ODF2: variants seen among roughly 807,000 people sequenced by gnomAD.
The protein encoded by ODF2 is outer dense fiber of sperm tails 2, also known as outer dense fiber protein 2.
Under a neutral mutation model 110.2 loss-of-function variants are expected in ODF2, and 47 were observed. The ratio of observed to expected loss-of-function variants is 0.43; its 90% CI spans 0.34 to 0.54. The LOEUF (loss-of-function observed/expected upper bound fraction) is 0.54. Ranked by LOEUF, ODF2 falls within the 20% of genes least tolerant of loss-of-function variation. ODF2 has a pLI of 0.03. For synonymous variants in ODF2, 352 were observed against 397.7 expected (o/e 0.89, Z 1.37); for missense variants, 812 against 1,054.5 (o/e 0.77, Z 3.19).
At chr9:128,493,487 A>T (rs1320133664) in intron 16 of ODF2, among the ~76,000 whole-genome samples, 1 of 152,230 alleles carries the variant, frequency 6.6e-6, no homozygotes, top group Non-Finnish European at 1.5e-5. Context: ...ATTTCATTCT[A>T]TATGGTGTCC....
chr9:128,477,586 G>C (rs112902544), intron 8 of ODF2, among the ~76,000 whole-genome samples: 4,269 of 151,730 alleles, frequency 0.028, 105 homozygotes, highest in African/African-American at 0.069. Context: ...ATGTAAAGTG[G>C]TATCCTCACT....
chr9:128,483,915 T>C (rs759495799), intron 10 of ODF2, 23 bp from the exon 11 acceptor site: 1 of 1,545,712 alleles, frequency 6.5e-7, no homozygotes, highest in Non-Finnish European at 8.9e-7. Context: ...TGTGCCTCCA[T>C]CACTTTTTCC....
intron 18 of ODF2, chr9:128,497,446 A>AAAAAAAAAAACATAT (rs1554857542): frequency 2.3e-5 from 1 of 42,598 alleles, no homozygotes; most frequent in African/African-American, 1.5e-4. Context: ...AAAAAAAAAA[A>AAAAAAAAAAACATAT]ATATATATAT....
chr9:128,471,663 G>A (rs1351131305), intron 6 of ODF2, among the ~76,000 whole-genome samples, 195 bp downstream of exon 6: 1 of 152,002 alleles, frequency 6.6e-6, no homozygotes, highest in Non-Finnish European at 1.5e-5. Flanking sequence ...ATGAGGGAAA[G>A]GGAGGACCCC....
intron 8 of ODF2, among the ~76,000 whole-genome samples, chr9:128,479,138 C>T (rs1485260480): frequency 6.6e-6 from 1 of 152,146 alleles, no homozygotes; most frequent in Non-Finnish European, 1.5e-5. Flanking sequence ...CCAGAGAAAC[C>T]ATAATACTGT....
At chr9:128,483,554 G>A in intron 10 of ODF2, among the ~76,000 whole-genome samples, 1 of 150,198 alleles carries the variant, frequency 6.7e-6, no homozygotes. Flanking sequence ...CTGCACTCCA[G>A]CCTTGGCAAC....
intron 13 of ODF2, among the ~76,000 whole-genome samples, chr9:128,486,305 G>A (rs551580922): frequency 6.6e-6 from 1 of 152,324 alleles, no homozygotes; most frequent in East Asian, 1.9e-4. Flanking sequence ...TATGCCAGCT[G>A]CTGTCCTTAG....
Position 128,494,040 on chromosome 9 carries a change from G to GC in ODF2, c.1753-466dup, listed in dbSNP as rs1331594849. On this transcript the variant is annotated intron_variant, in intron 16 of 20. Coordinates refer to ENST00000604420, the Ensembl canonical transcript of ODF2. The surrounding 1 kb of genome is among the most constrained non-coding windows in gnomAD (Gnocchi z 4.6). ...GAACTCCTGACCTCAAATAATCTGC[G>GC]CCCCTTGGCTTTCCAGAGTGCTAGA... 2.8e-5 allele frequency among the ~76,000 whole-genome samples: 2 copies of GC among 70,872 alleles called. No individual in the cohort carries two copies. The highest frequency in any genetic ancestry group is 5.9e-5 in the African/African-American group (1 of 16,840). 46.5% of individuals were successfully genotyped at this position (70,872 alleles called of 152,430 possible). A position where few individuals can be genotyped will look rare whatever the true frequency, so the allele number is the denominator to read the frequency against.
intron 8 of ODF2, among the ~76,000 whole-genome samples, chr9:128,479,745 G>A (rs1048176001): frequency 9.2e-5 from 14 of 152,150 alleles, no homozygotes; most frequent in African/African-American, 3.4e-4. Context: ...GTTAAAAATG[G>A]CAGTGGCATA....
chr9:128,456,046 T>C, upstream of ODF2: 1 of 1,484,896 alleles, frequency 6.7e-7, no homozygotes, highest in Non-Finnish European at 9.0e-7. Flanking sequence ...GGGCTGGGCC[T>C]CGATGGCGAA....
chr9:128,499,334 GGA>G (rs1846182611), intron 20 of ODF2, among the ~76,000 whole-genome samples: 3 of 152,008 alleles, frequency 2.0e-5, no homozygotes, highest in Non-Finnish European at 4.4e-5. Context: ...CACCCAGGCT[GGA>G]ATGCAGTGGT....
chr9:128,487,801 C>CAAAA (rs143231078), intron 13 of ODF2, 89 bp from the exon 14 acceptor site: 43 of 1,064,220 alleles, frequency 4.0e-5, no homozygotes, highest in Admixed American at 3.9e-4. Context: ...AACAAACAAA[C>CAAAA]AAAACACACA....
exon 14 of ODF2, chr9:128,488,011 A>C (rs1401502881): frequency 6.2e-7 from 1 of 1,613,822 alleles, no homozygotes; most frequent in East Asian, 2.2e-5. Flanking sequence ...CAAGCTGGAG[A>C]ATGAGAGGCT....
chr9:128,478,381 T>C (rs936954239), intron 8 of ODF2, among the ~76,000 whole-genome samples: 10 of 152,246 alleles, frequency 6.6e-5, no homozygotes, highest in African/African-American at 2.2e-4. Flanking sequence ...GCAGATTGCC[T>C]GAGCTCAGGA....
At chr9:128,473,070 C>T (rs1242825892) in intron 7 of ODF2, 28 bp downstream of exon 7, 2 of 1,613,300 alleles carry the variant, frequency 1.2e-6, no homozygotes, top group Admixed American at 3.3e-5. Flanking sequence ...GGACCCCAGC[C>T]ATGGAACTGG....
At chr9:128,464,559 G>A (rs1214869610) in intron 4 of ODF2, among the ~76,000 whole-genome samples, 1 of 151,656 alleles carries the variant, frequency 6.6e-6, no homozygotes, top group Non-Finnish European at 1.5e-5. Context: ...GAGTTCAGTG[G>A]CATGATCTCG....
intron 10 of ODF2, among the ~76,000 whole-genome samples, chr9:128,483,610 C>T (rs906552408): frequency 6.0e-5 from 9 of 150,012 alleles, no homozygotes; most frequent in Admixed American, 2.0e-4. Context: ...ATTGACCATG[C>T]GCGGTGGCTC....
exon 2 of ODF2, chr9:128,457,390 G>A: frequency 1.2e-6 from 2 of 1,613,230 alleles, no homozygotes; most frequent in Non-Finnish European, 1.7e-6. Flanking sequence ...CACCTTTGCG[G>A]CTTTGATGCC....
intron 10 of ODF2, 41 bp from the exon 11 acceptor site, chr9:128,483,897 C>A (rs1172774136): frequency 1.4e-6 from 2 of 1,424,502 alleles, no homozygotes; most frequent in Non-Finnish European, 2.0e-6. Flanking sequence ...AAAAAACAAA[C>A]AAAAAATTGT....
Sources: gnomAD v4.1 joint callset for allele counts (sites outside exome capture counted in the v4.1 genomes callset) on GRCh38, gnomAD v4.1.1 for gene constraint, Gnocchi (gnomAD v3.1) non-coding constraint, MANE v1.5 for transcripts, NCBI Gene and HGNC (gene_info 2026-07-23, HGNC 2026-07-21) for gene names.